The following PLXNA4 variants were observed in gnomAD, a reference collection of about 807,000 sequenced individuals.
The protein encoded by PLXNA4 is plexin A4.
A neutral mutation model predicts 191.8 loss-of-function variants in PLXNA4; 44 were observed. That is an observed-to-expected ratio of 0.23 (90% CI 0.18 to 0.29). The LOEUF (loss-of-function observed/expected upper bound fraction) is 0.29. Ranked by LOEUF, PLXNA4 falls within the 10% of genes least tolerant of loss-of-function variation. PLXNA4 has a pLI of 1.00. For synonymous variants in PLXNA4, 1,082 were observed against 1,009.5 expected, an observed-to-expected ratio of 1.07 and a Z score of -1.36; for missense variants, 1,800 against 2,488.8, an observed-to-expected ratio of 0.72 and a Z score of 5.89.
At chr7:132,326,204 GTCT>G (rs1802350926) in intron 3 of PLXNA4, among the ~76,000 whole-genome samples, 1 of 152,134 alleles carries the variant, frequency 6.6e-6, no homozygotes, top group Non-Finnish European at 1.5e-5. Flanking sequence ...AGGGACATTG[GTCT>G]TCTTCTGCCT....
intron 3 of PLXNA4, among the ~76,000 whole-genome samples, chr7:132,470,355 T>A (rs946114911): frequency 6.6e-5 from 10 of 152,162 alleles, no homozygotes; most frequent in African/African-American, 2.4e-4. Context: ...GGATTGTCAG[T>A]CTTTGTAAAA....
chr7:132,508,614 G>T lies in PLXNA4; in HGVS notation c.80C>A (p.Thr27Asn), dbSNP rs375754036. Residue 27 changes from threonine to asparagine, a missense_variant, in exon 2 of 32, where the codon ACC (threonine) becomes AAC (asparagine). Thr to Asn is a moderately conservative substitution (Grantham distance 65). This residue lies in a region of PLXNA4 where 1,397 missense variants were observed against 1,880.4 expected (regional missense o/e 0.74). Transcript: ENST00000321063. The surrounding 1 kb of genome is among the most constrained non-coding windows in gnomAD (Gnocchi z 4.4). The part of the protein sequence containing the change: ...MVGMGSSTLL[T>N]RQPAPLSQKQ... The stretch of plus-strand genomic sequence containing the variant: ...CTGGGACAGCGGGGCTGGCTGCCGG[G>T]TGAGCAAAGTGGAGGAGCCCATGCC... 2.0e-5 allele frequency: 33 copies of T among 1,610,998 alleles called. No homozygotes were observed. The highest frequency in any genetic ancestry group is 2.5e-5 in the Non-Finnish European group (29 of 1,178,396).
intron 1 of PLXNA4, among the ~76,000 whole-genome samples, chr7:132,515,753 G>A (rs1474883057): frequency 6.6e-6 from 1 of 152,168 alleles, no homozygotes; most frequent in African/African-American, 2.4e-5. Flanking sequence ...ATGCTTCCGG[G>A]CCCTGAGTTA....
chr7:132,607,826 T>C (rs138087573), intron 2 of PLXNA4, among the ~76,000 whole-genome samples: 2 of 150,000 alleles, frequency 1.3e-5, no homozygotes, highest in African/African-American at 2.5e-5. Context: ...ACTGCCATCA[T>C]CATCATCCAT....
intron 2 of PLXNA4, among the ~76,000 whole-genome samples, chr7:132,506,038 C>T (rs1266054071): frequency 6.6e-6 from 1 of 152,112 alleles, no homozygotes; most frequent in Non-Finnish European, 1.5e-5. Flanking sequence ...CATAGCACCT[C>T]TCCTATTTCC....
rs1334969627 is a variant in PLXNA4, at chr7:132,140,607, C to T, written c.5430G>A (p.Trp1810Ter). 6.2e-7 allele frequency: 1 copy of T among 1,613,880 alleles called. No individual in the cohort carries two copies. The change falls in exon 30 of 32, where the codon TGG becomes TGA. Residue 1810 changes from tryptophan (W) to a stop codon, truncating the protein, a stop_gained. Coordinates refer to ENST00000321063, the MANE Select transcript of PLXNA4 (RefSeq NM_020911.2). LOFTEE classifies it high-confidence loss of function. ...CGTGGCCCAGCACTCACCTCTCCAC[C>T]CAATTCTTGTAGCTGGGGATGTCCT... is the stretch of plus-strand genomic sequence containing the variant. ...YAKDIPSYKN[W>*]VERYYSDIGK...
chr7:132,358,261 TGTGTGACTCAG>T (rs1308230402), intron 3 of PLXNA4, among the ~76,000 whole-genome samples: 1 of 152,266 alleles, frequency 6.6e-6, no homozygotes, highest in African/African-American at 2.4e-5. Context: ...GTAGCAAGCA[TGTGTGACTCAG>T]GTTTCTCATC....
chr7:132,559,307 C>G (rs1303217608), intron 1 of PLXNA4, among the ~76,000 whole-genome samples: 3 of 152,090 alleles, frequency 2.0e-5, no homozygotes, highest in Non-Finnish European at 2.9e-5. Flanking sequence ...AAACACTTAC[C>G]CTGCCCCCTG....
chr7:132,219,197 GGGTATACCTTCATTCCAAGA>G (rs1798064557), intron 9 of PLXNA4, among the ~76,000 whole-genome samples: 1 of 152,176 alleles, frequency 6.6e-6, no homozygotes, highest in Non-Finnish European at 1.5e-5. Context: ...ACCAGGGCCT[GGGTATACCTTCATTCCAAGA>G]GAGTGGGCCT....
chr7:132,162,059 G>C (rs1047275390), intron 24 of PLXNA4, among the ~76,000 whole-genome samples: 1 of 152,156 alleles, frequency 6.6e-6, no homozygotes, highest in Non-Finnish European at 1.5e-5. Context: ...GAGCCTCTCC[G>C]TGGTTCTCTC....
chr7:132,632,981 G>A (rs550351375), intron 2 of PLXNA4, among the ~76,000 whole-genome samples: 17 of 152,194 alleles, frequency 1.1e-4, no homozygotes, highest in African/African-American at 4.1e-4. Flanking sequence ...TGGGGAGACA[G>A]ACCCCCAGCT....
chr7:132,597,243 T>C (rs1452899606), intron 2 of PLXNA4, among the ~76,000 whole-genome samples: 1 of 152,188 alleles, frequency 6.6e-6, no homozygotes, highest in Non-Finnish European at 1.5e-5. Flanking sequence ...TGAATTACAT[T>C]ATTTCTGTTC....
chr7:132,159,442 A>C, intron 25 of PLXNA4, 31 bp downstream of exon 25: 7 of 1,611,220 alleles, frequency 4.3e-6, no homozygotes, highest in Non-Finnish European at 5.9e-6. Flanking sequence ...AGCAGCCACA[A>C]GGACAGCCCC....
At chr7:132,321,064 A>G (rs926411617) in intron 3 of PLXNA4, among the ~76,000 whole-genome samples, 2 of 152,040 alleles carry the variant, frequency 1.3e-5, no homozygotes, top group Non-Finnish European at 2.9e-5. Context: ...TGCCTGGCAC[A>G]TCACCTGGCT....
chr7:132,508,694 G>C lies in PLXNA4; in HGVS notation c.-1C>G, dbSNP rs1157362749. The C allele has an allele frequency of 1.1e-5, 17 of 1,501,604 alleles. No homozygotes were observed. In the African/African-American group the frequency reaches 2.4e-4, roughly 21 times the overall value. The allele number at this position is 1,501,604 out of a possible 1,614,324, so 93.0% of individuals were successfully genotyped here. On this transcript the variant is annotated 5_prime_UTR_variant, in exon 2 of 32. Transcript: ENST00000321063. The surrounding 1 kb of genome is among the most constrained non-coding windows in gnomAD (Gnocchi z 4.4). The stretch of plus-strand genomic sequence containing the variant: ...TCCAGTTCCAGGGCATGGCTTTCAT[G>C]GCAGAGGCGGGTCCCAGTGGCACAG...
At chr7:132,628,181 T>C (rs537375616) in intron 2 of PLXNA4, among the ~76,000 whole-genome samples, 44 of 152,312 alleles carry the variant, frequency 2.9e-4, no homozygotes, top group African/African-American at 1.0e-3. Context: ...TCTATCCTCA[T>C]ATTTGAGGTA....
At chr7:132,292,856 G>A (rs1025837648) in intron 4 of PLXNA4, among the ~76,000 whole-genome samples, 8 of 152,204 alleles carry the variant, frequency 5.3e-5, no homozygotes, top group Non-Finnish European at 8.8e-5. Flanking sequence ...GGCCAGCGGA[G>A]GCCTCTCTGA....
chr7:132,278,853 T>C lies in PLXNA4; in HGVS notation c.1503+19238A>G, dbSNP rs963270062. ...GGTTTATGTCTATAACTAAGAAATA[T>C]CAAGATTGCAAGGCAGTTCAGGGGA... On this transcript the variant is annotated intron_variant, in intron 4 of 31. Coordinates refer to ENST00000321063, the MANE Select transcript of PLXNA4 (RefSeq NM_020911.2). 5.7e-4 allele frequency among the ~76,000 whole-genome samples: 87 copies of C among 152,166 alleles called. 1 individual carries two copies. The highest frequency in any genetic ancestry group is 2.1e-3 in the African/African-American group (85 of 41,444).
rs539997355 is a variant in PLXNA4, at chr7:132,328,079, G to A, written c.1372-29857C>T. 1.4e-4 allele frequency among the ~76,000 whole-genome samples: 21 copies of A among 152,270 alleles called. 1 individual carries two copies. The South Asian group carries it at 4.2e-3, about 30-fold the overall frequency. Reference sequence around the variant, plus strand: ...GCCTTTGAACTCTCTTCCTCGTTCCGCTCTGGCAGCCCATTTTCCTTTAGG... The same window carrying A: ...GCCTTTGAACTCTCTTCCTCGTTCCACTCTGGCAGCCCATTTTCCTTTAGG... On this transcript the variant is annotated intron_variant, in intron 3 of 31. Transcript: ENST00000321063.
Sources: allele counts gnomAD v4.1 joint callset (sites outside exome capture counted in the v4.1 genomes callset), GRCh38; gene constraint gnomAD v4.1.1; regional missense constraint gnomAD v4.1.1; non-coding constraint Gnocchi (gnomAD v3.1); transcripts MANE v1.5; gene names NCBI Gene and HGNC (gene_info 2026-07-23, HGNC 2026-07-21).